Variants in ANXA6 observed in about 807,000 individuals in gnomAD.
ANXA6 encodes the protein 67 kDa calelectrin.
ANXA6 carries 71 observed loss-of-function variants against 95.4 expected under a neutral mutation model. The ratio of observed to expected loss-of-function variants is 0.74; its 90% CI spans 0.61 to 0.91. The LOEUF is 0.91. ANXA6 is among the 40% of genes least tolerant of loss of function. ANXA6 has a pLI of 0.00. For missense variants in ANXA6, 830 were observed against 876.4 expected, an observed-to-expected ratio of 0.95 and a Z score of 0.67; for synonymous variants, 289 against 315.9, an observed-to-expected ratio of 0.91 and a Z score of 0.90.
chr5:151,126,678 C>T (rs1432642462), intron 13 of ANXA6, among the ~76,000 whole-genome samples, 198 bp from the exon 14 acceptor site: 1 of 152,054 alleles, frequency 6.6e-6, no homozygotes, highest in Non-Finnish European at 1.5e-5. Flanking sequence ...TTCTGAGAAC[C>T]TTCCATCTCT....
chr5:151,139,375 C>A lies in ANXA6; in HGVS notation c.182G>T (p.Ser61Ile). Residue 61 changes from serine (S) to isoleucine (I), a missense_variant, in exon 4 of 26, where the codon AGC becomes ATC. Physicochemically the swap from Ser to Ile is moderately radical, Grantham distance 142. Coordinates refer to ENST00000354546, the MANE Select transcript of ANXA6 (RefSeq NM_001155.5). Reference sequence around the variant, plus strand: ...TACCTTGCCGTAGAGGGACTTGTAGCTCTGGCAGACCTCCTGCCTCTGCCT... The same window carrying A: ...TACCTTGCCGTAGAGGGACTTGTAGATCTGGCAGACCTCCTGCCTCTGCCT... Reference protein sequence around the residue: ...SNRQRQEVCQSYKSLYGKDLI... With the variant: ...SNRQRQEVCQIYKSLYGKDLI... 6.2e-7 allele frequency: 1 copy of A among 1,612,566 alleles called. No homozygotes were observed. Among genetic ancestry groups the A allele is most frequent in the Admixed American group, 1.7e-5 (1 of 59,890 alleles).
rs752037773 is a variant in ANXA6, at chr5:151,117,154, GT to G, written c.1544del (p.Asn515ThrfsTer18). ...ATGHREEGGE[N>X]LDQAREDAQV... ...GGGCATCTTCCCGTGCCTGGTCCAGGTTTTCTCCTCCCTCCTCACGATGCCC... is the reference window on the plus strand; with the variant it reads ...GGGCATCTTCCCGTGCCTGGTCCAGGTTTCTCCTCCCTCCTCACGATGCCC... On this transcript the variant is annotated frameshift_variant, in exon 20 of 26. Coordinates refer to ENST00000354546, the MANE Select transcript of ANXA6 (RefSeq NM_001155.5). LOFTEE classifies it high-confidence loss of function. 6.3e-7 allele frequency: 1 copy of G among 1,594,624 alleles called. No homozygotes were observed. Among genetic ancestry groups the G allele is most frequent in the Non-Finnish European group, 8.6e-7 (1 of 1,169,158 alleles).
intron 14 of ANXA6, 81 bp downstream of exon 14, chr5:151,126,321 G>T (rs1436181587): frequency 7.9e-7 from 1 of 1,268,262 alleles, no homozygotes; most frequent in Non-Finnish European, 1.1e-6. Context: ...GGGGGCAGCT[G>T]GGTGCCAACC....
At chr5:151,148,987 T>G (rs1380165518) in intron 1 of ANXA6, among the ~76,000 whole-genome samples, 3 of 149,454 alleles carry the variant, frequency 2.0e-5, no homozygotes, top group Admixed American at 6.7e-5. Flanking sequence ...CCAGCCTAGG[T>G]AACATAGTGA....
At chr5:151,101,540 C>T in intron 25 of ANXA6, 33 bp from the exon 26 acceptor site, 4 of 1,540,398 alleles carry the variant, frequency 2.6e-6, no homozygotes, top group Non-Finnish European at 3.5e-6. Flanking sequence ...TGAGTGAAAA[C>T]AGTCCTTCCA....
chr5:151,133,561 T>C (rs10440734), intron 8 of ANXA6, among the ~76,000 whole-genome samples: 1 of 151,946 alleles, frequency 6.6e-6, no homozygotes. Flanking sequence ...TATCCAAACA[T>C]AAATAATCAT....
intron 20 of ANXA6, among the ~76,000 whole-genome samples, chr5:151,111,191 G>A (rs1328353549): frequency 6.6e-6 from 1 of 152,224 alleles, no homozygotes; most frequent in African/African-American, 2.4e-5. Context: ...AGCAAACAGT[G>A]ATGGGAAAGT....
At chr5:151,147,627 C>T (rs1472177836) in intron 2 of ANXA6, among the ~76,000 whole-genome samples, 2 of 152,206 alleles carry the variant, frequency 1.3e-5, no homozygotes, top group Non-Finnish European at 2.9e-5. Context: ...TCAACCAGAC[C>T]TGAAGCCCTG....
In ANXA6 at chr5:151,133,141, T is replaced by C. The variant is rs757265859; in HGVS notation, c.593A>G (p.Gln198Arg). 2 of 1,599,776 alleles carry C rather than the reference T, an allele frequency of 1.3e-6. No individual in the cohort carries two copies. Among genetic ancestry groups the C allele is most frequent in the South Asian group, 2.3e-5 (2 of 88,006 alleles). Residue 198 changes from glutamine to arginine, a missense_variant, in exon 9 of 26, where the codon CAG becomes CGG. Transcript: ENST00000354546. ...GCGATTTCCCAAGATGTAAATGAAC[T>C]GGGCTTCATCTGTTCCCCATTTCAG... ...GELKWGTDEAQFIYILGNRSK... is the reference protein window; with the variant it reads ...GELKWGTDEARFIYILGNRSK...
At chr5:151,122,418 C>A (rs1453192794) in intron 16 of ANXA6, among the ~76,000 whole-genome samples, 158 bp from the exon 17 acceptor site, 2 of 152,032 alleles carry the variant, frequency 1.3e-5, no homozygotes, top group Admixed American at 1.3e-4. Context: ...TAGATGAAGC[C>A]AAAGAGGGTA....
At chr5:151,132,424 C>A (rs751396486) in intron 10 of ANXA6, 52 bp downstream of exon 10, 29 of 1,360,826 alleles carry the variant, frequency 2.1e-5, no homozygotes, top group Non-Finnish European at 2.8e-5. Flanking sequence ...TGTTCCTAGG[C>A]CAGTGTTCCA....
chr5:151,148,940 T>G (rs1195208778), intron 1 of ANXA6, among the ~76,000 whole-genome samples: 1 of 151,484 alleles, frequency 6.6e-6, no homozygotes, highest in Non-Finnish European at 1.5e-5. Flanking sequence ...TTTGGGAAGC[T>G]GAGGTGGGAG....
intron 1 of ANXA6, among the ~76,000 whole-genome samples, chr5:151,151,992 G>A (rs1419341071): frequency 6.6e-6 from 1 of 152,162 alleles, no homozygotes; most frequent in Non-Finnish European, 1.5e-5. Context: ...TCATCCTTTT[G>A]CCTGCAATCA....
intron 23 of ANXA6, among the ~76,000 whole-genome samples, chr5:151,106,998 A>G (rs1764710882): frequency 6.6e-6 from 1 of 152,166 alleles, no homozygotes; most frequent in Admixed American, 6.5e-5. Flanking sequence ...TCCAAAGGCT[A>G]ATTATTCTGG....
At chr5:151,131,163 C>T in intron 11 of ANXA6, 68 bp downstream of exon 11, 1 of 1,551,198 alleles carries the variant, frequency 6.4e-7, no homozygotes, top group Non-Finnish European at 8.9e-7. Context: ...CACTGGATCC[C>T]AAGGACTTGT....
chr5:151,146,100 C>G (rs1765969772), intron 2 of ANXA6, among the ~76,000 whole-genome samples: 2 of 152,160 alleles, frequency 1.3e-5, no homozygotes, highest in Admixed American at 1.3e-4. Context: ...GTCTACTGAA[C>G]CCTAGTCCAT....
intron 18 of ANXA6, among the ~76,000 whole-genome samples, chr5:151,118,162 A>G (rs997422604): frequency 2.6e-5 from 4 of 152,012 alleles, no homozygotes; most frequent in African/African-American, 9.7e-5. Flanking sequence ...TCCCTCCTGC[A>G]TGGCAGTTGC....
chr5:151,144,513 C>T (rs1156692988), intron 2 of ANXA6, among the ~76,000 whole-genome samples: 1 of 151,990 alleles, frequency 6.6e-6, no homozygotes. Context: ...TTGTAAGCTG[C>T]CGGGAAGGGA....
At chr5:151,150,196 G>A (rs977799985) in intron 1 of ANXA6, among the ~76,000 whole-genome samples, 4 of 151,882 alleles carry the variant, frequency 2.6e-5, no homozygotes, top group African/African-American at 9.7e-5. Flanking sequence ...AACTAGGAGA[G>A]TAGAAATCAT....
Sources: gnomAD v4.1 joint callset for allele counts (sites outside exome capture counted in the v4.1 genomes callset) on GRCh38, gnomAD v4.1.1 for gene constraint, MANE v1.5 for transcripts, NCBI Gene and HGNC (gene_info 2026-07-23, HGNC 2026-07-21) for gene names.